MCTP1: variants seen among roughly 807,000 people sequenced by gnomAD.
MCTP1 encodes multiple C2 and transmembrane domain-containing protein 1.
A neutral mutation model predicts 120.6 loss-of-function variants in MCTP1; 69 were observed. That is an observed-to-expected ratio of 0.57 (90% CI 0.47 to 0.70). The LOEUF (loss-of-function observed/expected upper bound fraction) is 0.70, where lower values mean the gene tolerates loss of function less well. Ranked by LOEUF, MCTP1 falls within the 30% of genes least tolerant of loss-of-function variation. The pLI is 0.00. For synonymous variants in MCTP1, 529 were observed against 493.1 expected (o/e 1.07, Z -0.96); for missense variants, 1,203 against 1,248.8 (o/e 0.96, Z 0.55).
intron 11 of MCTP1, among the ~76,000 whole-genome samples, chr5:94,891,445 G>C (rs1044821333): frequency 1.3e-5 from 2 of 152,170 alleles, no homozygotes; most frequent in African/African-American, 2.4e-5. Context: ...CGACCCTAAT[G>C]ATGGGGAATA....
Position 95,284,059 on chromosome 5 carries a change from G to T in MCTP1, c.517C>A (p.Pro173Thr), listed in dbSNP as rs1245593164. The change falls in exon 1 of 23, where the codon CCC becomes ACC. Residue 173 changes from proline (P) to threonine (T), a missense_variant. Transcript: ENST00000515393. The surrounding 1 kb of genome is among the most constrained non-coding windows in gnomAD (Gnocchi z 5.2). ...TCTCGGGCGCGGTCCCCCCTCGGGGGAGGCTGGGGCGAGGAGGACAGGGAG... is the reference window on the plus strand; with the variant it reads ...TCTCGGGCGCGGTCCCCCCTCGGGGTAGGCTGGGGCGAGGAGGACAGGGAG... ...SSSLSSSPQP[P>T]PRGDRARDEG... 2 of 1,537,034 alleles carry T rather than the reference G, an allele frequency of 1.3e-6. No homozygotes were observed. Among genetic ancestry groups the T allele is most frequent in the Non-Finnish European group, 1.8e-6 (2 of 1,142,010 alleles).
Position 94,868,448 on chromosome 5 carries a change from A to T in MCTP1, c.2321T>A (p.Leu774Gln). 6.3e-7 allele frequency: 1 copy of T among 1,597,774 alleles called. No homozygotes were observed. Among genetic ancestry groups the T allele is most frequent in the Non-Finnish European group, 8.5e-7 (1 of 1,172,912 alleles). ...TTTCATTCTGATAAAGTTTCTTAGTAGCAGCTGTAAGGAAAATGAAAATAT... is the reference window on the plus strand; with the variant it reads ...TTTCATTCTGATAAAGTTTCTTAGTTGCAGCTGTAAGGAAAATGAAAATAT... The part of the protein sequence containing the change: ...EEENRLSKQL[L>Q]LRNFIRMKRC... The change falls in exon 17 of 23, where the codon CTA becomes CAA. Residue 774 changes from leucine (L) to glutamine (Q), a missense_variant. Physicochemically the swap from Leu to Gln is moderately radical, Grantham distance 113 (BLOSUM62 -2). Coordinates refer to ENST00000515393, the MANE Select transcript of MCTP1 (RefSeq NM_024717.7).
At chr5:95,160,459 T>C (rs1179377402) in intron 1 of MCTP1, among the ~76,000 whole-genome samples, 6 of 152,204 alleles carry the variant, frequency 3.9e-5, no homozygotes, top group Non-Finnish European at 8.8e-5. Flanking sequence ...AGGCACTGTT[T>C]TTGGAGCTTT....
chr5:94,931,656 A>G, intron 6 of MCTP1: 1 of 323,720 alleles, frequency 3.1e-6, no homozygotes, highest in South Asian at 8.5e-5. Flanking sequence ...TAGCCTCATC[A>G]TTTTATTCCT....
intron 17 of MCTP1, among the ~76,000 whole-genome samples, chr5:94,863,823 CT>C (rs11294782): frequency 0.75 from 111,569 of 148,598 alleles, 42,782 homozygotes; most frequent in African/African-American, 0.84. Context: ...GCTTCCTCCA[CT>C]TTTTTTTTTT....
At chr5:95,081,653 A>G (rs1021810160) in intron 1 of MCTP1, 21 of 1,329,878 alleles carry the variant, frequency 1.6e-5, no homozygotes, top group Non-Finnish European at 2.0e-5. Context: ...AATGAAAGTA[A>G]GAAGAACCCG....
chr5:95,154,596 A>T (rs569455069), intron 1 of MCTP1, among the ~76,000 whole-genome samples: 13 of 152,304 alleles, frequency 8.5e-5, no homozygotes, highest in Non-Finnish European at 1.6e-4. Context: ...CAGGATCCTA[A>T]CTACAAACCA....
chr5:94,735,859 A>T (rs1376007471), intron 19 of MCTP1, among the ~76,000 whole-genome samples: 1 of 152,154 alleles, frequency 6.6e-6, no homozygotes, highest in Non-Finnish European at 1.5e-5. Flanking sequence ...AAATGTGTCT[A>T]TTTTATTCCT....
intron 17 of MCTP1, among the ~76,000 whole-genome samples, chr5:94,850,716 T>C (rs1047969521): frequency 6.6e-6 from 1 of 152,122 alleles, no homozygotes. Flanking sequence ...ACATTGCTTT[T>C]CTGAAGGGGA....
At chr5:94,813,958 C>A (rs1783960349) in intron 17 of MCTP1, among the ~76,000 whole-genome samples, 1 of 152,164 alleles carries the variant, frequency 6.6e-6, no homozygotes, top group South Asian at 2.1e-4. Context: ...GTGTATGATT[C>A]CATTTATATG....
At chr5:94,838,209 T>A (rs1790242884) in intron 17 of MCTP1, among the ~76,000 whole-genome samples, 1 of 152,224 alleles carries the variant, frequency 6.6e-6, no homozygotes, top group South Asian at 2.1e-4. Context: ...ACTTTACACT[T>A]ACCCAGCATC....
At position 95,082,732 on chromosome 5, in the gene MCTP1, GTA is replaced by G. The variant is rs534156575; in HGVS notation, c.721-65250_721-65249del. ...TTGGTACTAGTGTTGGAGATCTAGTGTATGTTTTGCACTTGTGTGACATTTCC... is the reference window on the plus strand; with the variant it reads ...TTGGTACTAGTGTTGGAGATCTAGTGTGTTTTGCACTTGTGTGACATTTCC... On this transcript the variant is annotated intron_variant, in intron 1 of 22. Transcript: ENST00000515393. 5.2e-4 allele frequency among the ~76,000 whole-genome samples: 79 copies of G among 152,224 alleles called. 2 individuals are homozygous for G. Among genetic ancestry groups the G allele is most frequent in the Admixed American group, 5.0e-3 (77 of 15,288 alleles).
At chr5:94,710,681 C>T (rs555649691) in intron 21 of MCTP1, 137 bp downstream of exon 21, 8 of 593,510 alleles carry the variant, frequency 1.3e-5, no homozygotes, top group African/African-American at 1.9e-5. Flanking sequence ...GATTTTTAAC[C>T]AACCTGTCTC....
At chr5:95,063,840 A>G (rs1349020948) in intron 1 of MCTP1, among the ~76,000 whole-genome samples, 1 of 152,110 alleles carries the variant, frequency 6.6e-6, no homozygotes, top group Admixed American at 6.5e-5. Flanking sequence ...TTATTATAGA[A>G]TATTTACCCC....
intron 1 of MCTP1, among the ~76,000 whole-genome samples, chr5:95,079,326 GTAGA>G (rs1031638945): frequency 6.6e-6 from 1 of 152,084 alleles, no homozygotes; most frequent in Non-Finnish European, 1.5e-5. Context: ...TCCAAACTCT[GTAGA>G]TAGAAAAACA....
At chr5:95,165,116 C>G (rs536685710) in intron 1 of MCTP1, among the ~76,000 whole-genome samples, 1 of 152,066 alleles carries the variant, frequency 6.6e-6, no homozygotes, top group Non-Finnish European at 1.5e-5. Flanking sequence ...AAATTTAAAC[C>G]CTTGCTGAGT....
intron 17 of MCTP1, among the ~76,000 whole-genome samples, chr5:94,845,485 A>C (rs1326342106): frequency 6.6e-6 from 1 of 152,146 alleles, no homozygotes; most frequent in Non-Finnish European, 1.5e-5. Flanking sequence ...GGGACACAGC[A>C]AAACCATATC....
chr5:94,897,120 G>C (rs1027293111), intron 10 of MCTP1, among the ~76,000 whole-genome samples: 1 of 151,970 alleles, frequency 6.6e-6, no homozygotes, highest in Non-Finnish European at 1.5e-5. Flanking sequence ...GCAGTGGTGC[G>C]ATCATGATCA....
chr5:95,183,617 G>GA, intron 1 of MCTP1, among the ~76,000 whole-genome samples: 1 of 151,910 alleles, frequency 6.6e-6, no homozygotes, highest in Non-Finnish European at 1.5e-5. Flanking sequence ...TGCAACTCAA[G>GA]AAAAAGACAA....
Sources: allele counts gnomAD v4.1 joint callset (sites outside exome capture counted in the v4.1 genomes callset), GRCh38; gene constraint gnomAD v4.1.1; non-coding constraint Gnocchi (gnomAD v3.1); transcripts MANE v1.5; gene names NCBI Gene and HGNC (gene_info 2026-07-23, HGNC 2026-07-21).